The following KMO variants were observed in gnomAD, a reference collection of about 807,000 sequenced individuals.
KMO encodes the protein kynurenine 3-hydroxylase.
Under a neutral mutation model 57.8 loss-of-function variants are expected in KMO, and 24 were observed. That is an observed-to-expected ratio of 0.42 (90% confidence interval 0.30 to 0.58). The LOEUF is 0.58. Ranked by LOEUF, KMO falls within the 20% of genes least tolerant of loss-of-function variation. The pLI is 0.22. For synonymous variants in KMO, 210 were observed against 193.6 expected, an observed-to-expected ratio of 1.08 and a Z score of -0.70; for missense variants, 483 against 588.2, an observed-to-expected ratio of 0.82 and a Z score of 1.85.
intron 5 of KMO, among the ~76,000 whole-genome samples, chr1:241,558,905 G>T (rs1394200976): frequency 1.3e-5 from 2 of 152,046 alleles, no homozygotes; most frequent in African/African-American, 4.8e-5. Flanking sequence ...CTGAGGCCAG[G>T]AGTTGGAGAC....
chr1:241,547,655 A>G (rs2992639), intron 1 of KMO, among the ~76,000 whole-genome samples: 151,130 of 152,126 alleles, frequency 0.99, 75,076 homozygotes, highest in Middle Eastern at 1. Context: ...ATTCCTCTCC[A>G]ACTTACCAGC....
In KMO at chr1:241,592,319, G is replaced by T. The variant is rs1365452510; in HGVS notation, c.*166G>T. 2 of 615,332 alleles carry T rather than the reference G, an allele frequency of 3.3e-6. No individual in the cohort carries two copies. Among genetic ancestry groups the T allele is most frequent in the African/African-American group, 3.7e-5 (2 of 53,980 alleles). 38.1% of individuals were successfully genotyped at this position (615,332 alleles called of 1,614,324 possible). A position where few individuals can be genotyped will look rare whatever the true frequency, so the allele number is the denominator to read the frequency against. ...GTATGTTAATTGCAATTACTGGTTGGGGGGTGCATTTTAAAAGATGAAACA... is the reference window on the plus strand; with the variant it reads ...GTATGTTAATTGCAATTACTGGTTGTGGGGTGCATTTTAAAAGATGAAACA... On this transcript the variant is annotated 3_prime_UTR_variant, in exon 15 of 15. Coordinates refer to ENST00000366559, the MANE Select transcript of KMO (RefSeq NM_003679.5).
intron 10 of KMO, among the ~76,000 whole-genome samples, chr1:241,585,449 A>G (rs1052611624): frequency 2.0e-5 from 3 of 151,848 alleles, no homozygotes; most frequent in African/African-American, 7.3e-5. Context: ...TTGATGTGAA[A>G]AATATTTTAT....
intron 1 of KMO, among the ~76,000 whole-genome samples, chr1:241,538,582 C>T (rs1660830679): frequency 6.6e-6 from 1 of 152,184 alleles, no homozygotes; most frequent in African/African-American, 2.4e-5. Flanking sequence ...CAATAAAAAG[C>T]AAGCAAGGCA....
intron 7 of KMO, among the ~76,000 whole-genome samples, chr1:241,562,884 AAG>A (rs1294810216): frequency 5.1e-4 from 44 of 85,524 alleles, no homozygotes; most frequent in South Asian, 8.7e-4. Context: ...GGAAGGAAGG[AAG>A]GAAGGAAGGA....
At chr1:241,536,801 T>C (rs1660769934) in intron 1 of KMO, among the ~76,000 whole-genome samples, 4 of 152,146 alleles carry the variant, frequency 2.6e-5, no homozygotes, top group Admixed American at 2.6e-4. Flanking sequence ...TTTGTACGTA[T>C]TTTGACTTAT....
At chr1:241,549,202 G>GAGGA (rs1661277085) in intron 2 of KMO, among the ~76,000 whole-genome samples, 25 of 19,962 alleles carry the variant, frequency 1.3e-3, no homozygotes, top group African/African-American at 3.0e-3. Context: ...GAAAGAAAAG[G>GAGGA]AAGAAAGAAA....
At chr1:241,588,286 A>G (rs1312934643) in intron 11 of KMO, among the ~76,000 whole-genome samples, 1 of 151,084 alleles carries the variant, frequency 6.6e-6, no homozygotes, top group African/African-American at 2.4e-5. Flanking sequence ...CTGGGTCTGA[A>G]GAGATCATAG....
chr1:241,566,394 C>A (rs540158241), intron 8 of KMO, 97 bp from the exon 9 acceptor site: 2 of 820,388 alleles, frequency 2.4e-6, no homozygotes, highest in Admixed American at 6.2e-5. Flanking sequence ...CAAAAGCTCC[C>A]TGGTCACAGC....
At chr1:241,571,757 G>A (rs528302701) in intron 10 of KMO, among the ~76,000 whole-genome samples, 6 of 151,182 alleles carry the variant, frequency 4.0e-5, no homozygotes, top group Admixed American at 1.3e-4. Flanking sequence ...TTTTTGTTAC[G>A]TCTTTGTCTA....
intron 4 of KMO, among the ~76,000 whole-genome samples, chr1:241,552,542 C>T (rs947299441): frequency 6.6e-5 from 10 of 152,146 alleles, no homozygotes; most frequent in African/African-American, 2.4e-4. Flanking sequence ...CTCTTGGCCT[C>T]CTTTGCCTCT....
chr1:241,559,777 A>C (rs946137668), intron 5 of KMO, among the ~76,000 whole-genome samples: 3 of 152,218 alleles, frequency 2.0e-5, no homozygotes, highest in African/African-American at 7.2e-5. Flanking sequence ...AAAACTGTAC[A>C]TAATTAATGT....
intron 1 of KMO, among the ~76,000 whole-genome samples, chr1:241,535,614 A>C (rs1660728093): frequency 6.6e-6 from 1 of 152,220 alleles, no homozygotes; most frequent in African/African-American, 2.4e-5. Context: ...AGGTAAAAGA[A>C]ACTAAACCAT....
At chr1:241,564,651 G>T (rs557108411) in intron 7 of KMO, among the ~76,000 whole-genome samples, 1 of 151,898 alleles carries the variant, frequency 6.6e-6, no homozygotes, top group Non-Finnish European at 1.5e-5. Context: ...GCATGTGTGT[G>T]TACATATATA....
At chr1:241,568,747 A>G (rs1243152786) in intron 10 of KMO, 100 bp downstream of exon 10, 10 of 1,103,378 alleles carry the variant, frequency 9.1e-6, no homozygotes, top group African/African-American at 1.6e-5. Context: ...TCCCCACATA[A>G]TCCCTGAAAG....
intron 1 of KMO, among the ~76,000 whole-genome samples, chr1:241,534,960 C>T (rs901498248): frequency 3.3e-5 from 5 of 151,430 alleles, no homozygotes; most frequent in Non-Finnish European, 5.9e-5. Flanking sequence ...AAATTACACA[C>T]TTTGGGTTTT....
At chr1:241,542,897 G>A (rs1235109493) in intron 1 of KMO, among the ~76,000 whole-genome samples, 2 of 152,182 alleles carry the variant, frequency 1.3e-5, no homozygotes, top group Non-Finnish European at 2.9e-5. Context: ...CAGAAAGTGA[G>A]AGGGGAAAGA....
intron 4 of KMO, 64 bp downstream of exon 4, chr1:241,551,108 C>G: frequency 1.1e-6 from 1 of 891,516 alleles, no homozygotes; most frequent in Non-Finnish European, 1.8e-6. Flanking sequence ...GAACTTGCCT[C>G]TTGTTTGATG....
chr1:241,554,392 C>T lies in KMO; in HGVS notation c.313-1220C>T, dbSNP rs186291258. Among the ~76,000 whole-genome samples the T allele has an allele frequency of 5.9e-5, 9 of 151,908 alleles. No individual in the cohort carries two copies. In the East Asian group the frequency reaches 1.8e-3, roughly 30 times the overall value. Reference sequence around the variant, plus strand: ...TTAGGCCTCTCGGGTTCAAGCAGTCCTGCCTCAGCTTCCTGTGACTACAGG... The same window carrying T: ...TTAGGCCTCTCGGGTTCAAGCAGTCTTGCCTCAGCTTCCTGTGACTACAGG... On this transcript the variant is annotated intron_variant, in intron 4 of 14. Transcript: ENST00000366559.
Sources: allele counts gnomAD v4.1 joint callset (sites outside exome capture counted in the v4.1 genomes callset), GRCh38; gene constraint gnomAD v4.1.1; transcripts MANE v1.5; gene names NCBI Gene and HGNC (gene_info 2026-07-23, HGNC 2026-07-21).